Variants in SLC23A2 observed in about 807,000 individuals in gnomAD.
The protein encoded by SLC23A2 is solute carrier family 23 member 2, also known as Na(+)/L-ascorbic acid transporter 2.
In SLC23A2, 36 loss-of-function variants were observed where a neutral mutation model predicts 73.3. That is an observed-to-expected ratio of 0.49 (90% CI 0.38 to 0.65). The LOEUF (loss-of-function observed/expected upper bound fraction) is 0.65. Ranked by LOEUF, SLC23A2 falls within the 30% of genes least tolerant of loss-of-function variation. SLC23A2 has a pLI of 0.00. For missense variants in SLC23A2, 507 were observed against 841.6 expected, an observed-to-expected ratio of 0.60 and a Z score of 4.92; for synonymous variants, 343 against 327.3, an observed-to-expected ratio of 1.05 and a Z score of -0.52.
intron 2 of SLC23A2, among the ~76,000 whole-genome samples, chr20:4,948,625 C>T (rs1281258740): frequency 5.3e-5 from 8 of 152,214 alleles, no homozygotes; most frequent in African/African-American, 9.7e-5. Context: ...ACACCACATA[C>T]GTGGTGATCA....
chr20:4,891,842 C>G (rs1205134325), intron 6 of SLC23A2, among the ~76,000 whole-genome samples: 1 of 152,204 alleles, frequency 6.6e-6, no homozygotes, highest in Non-Finnish European at 1.5e-5. Context: ...CCTTGACCTC[C>G]TGGGCTTAAG....
At chr20:4,978,193 CAA>C (rs2122252534) in intron 1 of SLC23A2, among the ~76,000 whole-genome samples, 1 of 152,180 alleles carries the variant, frequency 6.6e-6, no homozygotes, top group East Asian at 1.9e-4. Context: ...GGCAAAATGA[CAA>C]AGTTAAAAAA....
In SLC23A2 at chr20:4,869,969, C is replaced by T. The variant is rs760812276; in HGVS notation, c.1187G>A (p.Gly396Asp). 1 of 1,613,762 alleles carries T rather than the reference C, an allele frequency of 6.2e-7. No homozygotes were observed. Among genetic ancestry groups the T allele is most frequent in the Non-Finnish European group, 8.5e-7 (1 of 1,179,828 alleles). Residue 396 changes from glycine to aspartate, a missense_variant, in exon 12 of 17, where the codon GGT becomes GAT. Physicochemically the swap from Gly to Asp is moderately conservative, Grantham distance 94 (BLOSUM62 -1). Around this residue, in one of 5 missense-constraint regions of SLC23A2, gnomAD observed 217 missense variants for 398.0 expected, o/e 0.55. Transcript: ENST00000338244. The part of the protein sequence containing the change: ...AVVASIIESI[G>D]DYYACARLSC... ...CAGCCGTGCACAGGCGTAGTAGTCA[C>T]CAATAGACTCGATGATGCTGGCGAC...
chr20:4,886,088 G>C, intron 6 of SLC23A2, 179 bp from the exon 7 acceptor site: 1 of 524,814 alleles, frequency 1.9e-6, no homozygotes, highest in South Asian at 2.2e-5. Flanking sequence ...ACAGCCAGTG[G>C]CTTCTTCATC....
At chr20:4,971,810 T>C (rs956787157) in intron 1 of SLC23A2, among the ~76,000 whole-genome samples, 1 of 151,698 alleles carries the variant, frequency 6.6e-6, no homozygotes, top group African/African-American at 2.4e-5. Flanking sequence ...AAAAAGTGAT[T>C]TGCACTCAGT....
At chr20:4,917,949 C>T (rs1479471221) in intron 3 of SLC23A2, among the ~76,000 whole-genome samples, 1 of 152,146 alleles carries the variant, frequency 6.6e-6, no homozygotes, top group African/African-American at 2.4e-5. Context: ...TTTCCTTTGG[C>T]TTATTAAAAT....
At chr20:4,891,926 T>C (rs1257124148) in intron 6 of SLC23A2, among the ~76,000 whole-genome samples, 2 of 151,790 alleles carry the variant, frequency 1.3e-5, no homozygotes, top group African/African-American at 4.8e-5. Flanking sequence ...AATTTTTTTT[T>C]ATGTTTTTGT....
intron 15 of SLC23A2, 102 bp downstream of exon 15, chr20:4,861,846 C>T: frequency 8.3e-7 from 1 of 1,203,710 alleles, no homozygotes. Context: ...TGCACCACAG[C>T]TCCTGGAGGC....
chr20:4,950,077 TACAA>T (rs777346969), intron 2 of SLC23A2, among the ~76,000 whole-genome samples: 3 of 152,336 alleles, frequency 2.0e-5, no homozygotes, highest in Non-Finnish European at 4.4e-5. Flanking sequence ...ACCACCCGGT[TACAA>T]ACAGTTACTG....
At chr20:4,897,067 G>A (rs937799814) in intron 6 of SLC23A2, among the ~76,000 whole-genome samples, 3 of 152,122 alleles carry the variant, frequency 2.0e-5, no homozygotes, top group Non-Finnish European at 2.9e-5. Context: ...GCTGCCCTTC[G>A]TGCTGCAAGC....
chr20:4,899,843 C>T lies in SLC23A2; in HGVS notation c.325-131G>A, dbSNP rs1931681591. 10 of 898,238 alleles carry T rather than the reference C, an allele frequency of 1.1e-5. No individual in the cohort carries two copies. The highest frequency in any genetic ancestry group is 2.8e-5 in the Admixed American group (1 of 36,102). 55.6% of individuals were successfully genotyped at this position (898,238 alleles called of 1,614,324 possible). ...TAAAGAATCTCCTTGGTTTTTCGAC[C>T]AAGCCATACTTTTTTCCTTCTTTTT... is the stretch of plus-strand genomic sequence containing the variant. On this transcript the variant is annotated intron_variant, in intron 5 of 16. Coordinates refer to ENST00000338244, the MANE Select transcript of SLC23A2 (RefSeq NM_005116.6). This position sits in a 1 kb window ranked among gnomAD's most constrained non-coding sequence, Gnocchi z 4.9.
intron 3 of SLC23A2, among the ~76,000 whole-genome samples, chr20:4,929,894 A>G (rs530064938): frequency 6.6e-6 from 1 of 152,352 alleles, no homozygotes; most frequent in Non-Finnish European, 1.5e-5. Flanking sequence ...TATCATTCAC[A>G]GAAGTCTGTG....
intron 6 of SLC23A2, among the ~76,000 whole-genome samples, chr20:4,888,921 T>G (rs887981713): frequency 1.3e-5 from 2 of 152,148 alleles, no homozygotes; most frequent in Admixed American, 6.6e-5. Flanking sequence ...CAGGGGTGGG[T>G]GGCACCAAAT....
At chr20:4,906,855 T>G (rs1931976011) in intron 4 of SLC23A2, among the ~76,000 whole-genome samples, 1 of 151,910 alleles carries the variant, frequency 6.6e-6, no homozygotes. Flanking sequence ...ATATGGAAAT[T>G]GTTTGGATGA....
At position 4,856,628 on chromosome 20, in the gene SLC23A2, A is replaced by T; in HGVS notation, c.*344T>A. 4.7e-6 allele frequency: 1 copy of T among 214,520 alleles called. No individual in the cohort carries two copies. Among genetic ancestry groups the T allele is most frequent in the Non-Finnish European group, 9.3e-6 (1 of 107,448 alleles). The allele number at this position is 214,520 out of a possible 1,614,324, so 13.3% of individuals were successfully genotyped here. A position where few individuals can be genotyped will look rare whatever the true frequency, so the allele number is the denominator to read the frequency against. The stretch of plus-strand genomic sequence containing the variant: ...AGCCCCTGGACCCTGGAGGTGGCTT[A>T]TAGGAAAGCCAGCCCTGGGTGGTGG... On this transcript the variant is annotated 3_prime_UTR_variant, in exon 17 of 17. Coordinates refer to ENST00000338244, the MANE Select transcript of SLC23A2 (RefSeq NM_005116.6). This position sits in a 1 kb window ranked among gnomAD's most constrained non-coding sequence, Gnocchi z 4.6.
chr20:4,964,525 C>T (rs2122196677), intron 2 of SLC23A2, among the ~76,000 whole-genome samples: 2 of 152,220 alleles, frequency 1.3e-5, no homozygotes, highest in Admixed American at 1.3e-4. Context: ...CAATTGTGGG[C>T]ACATTCTTAT....
chr20:4,923,754 A>G (rs1157077310), intron 3 of SLC23A2, among the ~76,000 whole-genome samples: 2 of 152,218 alleles, frequency 1.3e-5, no homozygotes, highest in African/African-American at 2.4e-5. Flanking sequence ...ACCTGGTACG[A>G]AAGTCACAAG....
intron 2 of SLC23A2, among the ~76,000 whole-genome samples, chr20:4,957,711 G>T (rs184956772): frequency 3.3e-5 from 5 of 151,672 alleles, no homozygotes; most frequent in Non-Finnish European, 4.4e-5. Context: ...GACCAGCCTG[G>T]CCAACATGGT....
At position 4,939,969 on chromosome 20, in the gene SLC23A2, A is replaced by C. The variant is rs530730972; in HGVS notation, c.-154-7253T>G. On this transcript the variant is annotated intron_variant, in intron 2 of 16. Coordinates refer to ENST00000338244, the MANE Select transcript of SLC23A2 (RefSeq NM_005116.6). ...CATAATCTACACAGATTTAATAAAA[A>C]TCCATTAATACCCCCCCAACAGGTC... is the stretch of plus-strand genomic sequence containing the variant. Among the ~76,000 whole-genome samples the C allele has an allele frequency of 3.3e-5, 5 of 152,198 alleles. No homozygotes were observed. In the South Asian group the frequency reaches 1.0e-3, roughly 32 times the overall value.
Sources: gnomAD v4.1 joint callset for allele counts (sites outside exome capture counted in the v4.1 genomes callset) on GRCh38, gnomAD v4.1.1 for gene constraint, gnomAD v4.1.1 regional missense constraint, Gnocchi (gnomAD v3.1) non-coding constraint, MANE v1.5 for transcripts, NCBI Gene and HGNC (gene_info 2026-07-23, HGNC 2026-07-21) for gene names.